The following UMODL1 variants were observed in gnomAD, a reference collection of about 807,000 sequenced individuals.
UMODL1 encodes the protein uromodulin like 1.
A neutral mutation model predicts 136.3 loss-of-function variants in UMODL1; 128 were observed. The observed-to-expected ratio is 0.94, with a 90% CI of 0.81 to 1.09. The LOEUF is 1.09. Ranked by LOEUF, UMODL1 falls within the 50% of genes least tolerant of loss-of-function variation. UMODL1 has a pLI of 0.00. For synonymous variants in UMODL1, 721 were observed against 720.0 expected (o/e 1.00, Z -0.02); for missense variants, 1,766 against 1,725.6 (o/e 1.02, Z -0.41).
chr21:42,127,388 C>A (rs556440439), intron 19 of UMODL1, 146 bp downstream of exon 19: 2 of 850,384 alleles, frequency 2.4e-6, no homozygotes, highest in East Asian at 4.8e-5. Context: ...GCAGGCACCC[C>A]TGTCCAGCAA....
intron 22 of UMODL1, among the ~76,000 whole-genome samples, chr21:42,141,322 C>T (rs1242383748): frequency 6.6e-6 from 1 of 152,182 alleles, no homozygotes; most frequent in Non-Finnish European, 1.5e-5. Context: ...CTTTGTCTTT[C>T]CCGTCTCTCC....
At chr21:42,112,972 G>A (rs2066855725) in intron 12 of UMODL1, 3 of 152,996 alleles carry the variant, frequency 2.0e-5, no homozygotes, top group Admixed American at 6.5e-5. Flanking sequence ...ATCTGTGCAG[G>A]AGTTGGATCT....
intron 15 of UMODL1, 107 bp from the exon 16 acceptor site, chr21:42,120,980 G>A (rs2066962327): frequency 1.4e-6 from 2 of 1,411,706 alleles, no homozygotes; most frequent in Non-Finnish European, 1.9e-6. Flanking sequence ...TGCTGTGGCT[G>A]GAGTTTCCAG....
rs755485498 is a variant in UMODL1 at position 42,084,211 on chromosome 21, A to AG, written c.453dup (p.Arg152AlafsTer91). 6.2e-6 allele frequency: 10 copies of AG among 1,613,560 alleles called. No homozygotes were observed. Among genetic ancestry groups the AG allele is most frequent in the Non-Finnish European group, 8.5e-6 (10 of 1,179,974 alleles). ...GACTTGAGAAGTGCTGCCCCTGGTC[A>AG]GGGGGGCGCTACTGCATGGCCCCTG... On this transcript the variant is annotated frameshift_variant, in exon 3 of 23. Transcript: ENST00000408910. LOFTEE classifies it high-confidence loss of function.
Position 42,099,151 on chromosome 21 carries a change from A to G in UMODL1, c.1157A>G (p.Asp386Gly). The change falls in exon 7 of 23, where the codon GAC becomes GGC. Residue 386 changes from aspartate (D) to glycine (G), a missense_variant. Transcript: ENST00000408910. This position sits in a 1 kb window ranked among gnomAD's most constrained non-coding sequence, Gnocchi z 4.1. ...VKTSYQGCGA[D>G]VSTTLTIKTN... is the part of the protein sequence containing the mutation. ...ACCAGCTACCAGGGGTGCGGGGCCG[A>G]CGTCTCCACCACGCTGACCATCAAA... 2 of 1,613,112 alleles carry G rather than the reference A, an allele frequency of 1.2e-6. No individual in the cohort carries two copies. Among genetic ancestry groups the G allele is most frequent in the Non-Finnish European group, 1.7e-6 (2 of 1,179,982 alleles).
At chr21:42,066,645 G>A (rs2066185274), upstream of UMODL1, among the ~76,000 whole-genome samples, 1 of 152,180 alleles carries the variant, frequency 6.6e-6, no homozygotes, top group African/African-American at 2.4e-5. Flanking sequence ...ATGAAGATAG[G>A]AGTTCATTCT....
In UMODL1 at chr21:42,122,831, G is replaced by C; in HGVS notation, c.2828G>C (p.Gly943Ala). Residue 943 changes from glycine (G) to alanine (A), a missense_variant and splice_region_variant, in exon 17 of 23, where the codon GGT (glycine) becomes GCT (alanine). Gly to Ala is a moderately conservative substitution (Grantham distance 60). Coordinates refer to ENST00000408910, the MANE Select transcript of UMODL1 (RefSeq NM_001004416.3). The surrounding 1 kb of genome is among the most constrained non-coding windows in gnomAD (Gnocchi z 4.3). ...GCCTTTTCCTCCTTGTGCCTTGCAG[G>C]TGACTCTCCTGGCAATGAAACCTGG... ...PVEYSERPCE[G>A]DSPGNETWAT... is the part of the protein sequence containing the mutation. The C allele has an allele frequency of 6.3e-7, 1 of 1,591,188 alleles. No homozygotes were observed. Among genetic ancestry groups the C allele is most frequent in the African/African-American group, 1.3e-5 (1 of 74,228 alleles).
chr21:42,085,224 A>G lies in UMODL1; in HGVS notation c.482-67A>G. ...GGTTCCCTCTCCTGCCCCCTCTCCC[A>G]CCCCAGCAGCTTTTGTGACTTCAAC... On this transcript the variant is annotated intron_variant, in intron 3 of 22. Coordinates refer to ENST00000408910, the MANE Select transcript of UMODL1 (RefSeq NM_001004416.3). The surrounding 1 kb of genome is among the most constrained non-coding windows in gnomAD (Gnocchi z 4.5). 1 of 1,571,782 alleles carries G rather than the reference A, an allele frequency of 6.4e-7. No individual in the cohort carries two copies. The highest frequency in any genetic ancestry group is 1.4e-5 in the African/African-American group (1 of 73,840).
chr21:42,123,791 GTGTA>G lies in UMODL1; in HGVS notation c.3147+648_3147+651del, dbSNP rs1340426305. Among the ~76,000 whole-genome samples the G allele has an allele frequency of 6.6e-6, 1 of 151,940 alleles. No individual in the cohort carries two copies. Among genetic ancestry groups the G allele is most frequent in the Non-Finnish European group, 1.5e-5 (1 of 68,028 alleles). ...TGGATGCGTTTGTCCATGTGTGAGTGTGTATGTATGGGTGTGTGTTTGGGGGGCA... is the reference window on the plus strand; with the variant it reads ...TGGATGCGTTTGTCCATGTGTGAGTGTGTATGGGTGTGTGTTTGGGGGGCA... On this transcript the variant is annotated intron_variant, in intron 17 of 22. Coordinates refer to ENST00000408910, the MANE Select transcript of UMODL1 (RefSeq NM_001004416.3). This position sits in a 1 kb window ranked among gnomAD's most constrained non-coding sequence, Gnocchi z 4.4.
chr21:42,093,221 G>GT (rs34842765), intron 6 of UMODL1, among the ~76,000 whole-genome samples: 68,645 of 151,754 alleles, frequency 0.45, 16,003 homozygotes, highest in East Asian at 0.53. Flanking sequence ...TTTATTGTTT[G>GT]TTTTTTATAG....
At chr21:42,138,045 C>T (rs1481439060) in intron 22 of UMODL1, among the ~76,000 whole-genome samples, 1 of 152,092 alleles carries the variant, frequency 6.6e-6, no homozygotes, top group African/African-American at 2.4e-5. Context: ...TCCACGATAC[C>T]AGCGGCAGTG....
chr21:42,063,414 T>C (rs1281095068), intron 1 of UMODL1, among the ~76,000 whole-genome samples: 2 of 152,136 alleles, frequency 1.3e-5, no homozygotes, highest in African/African-American at 4.8e-5. Context: ...CCCCCTGGTG[T>C]CCCCCAAACA....
intron 2 of UMODL1, among the ~76,000 whole-genome samples, chr21:42,082,076 C>T (rs1362750812): frequency 6.6e-6 from 1 of 152,206 alleles, no homozygotes; most frequent in African/African-American, 2.4e-5. Context: ...GAGAGTGCGG[C>T]TGAGAGGAAT....
intron 22 of UMODL1, among the ~76,000 whole-genome samples, chr21:42,138,631 A>G (rs2067240145): frequency 6.6e-6 from 1 of 151,216 alleles, no homozygotes; most frequent in Non-Finnish European, 1.5e-5. Flanking sequence ...GTTGGAGTGC[A>G]GTGGTGCGAT....
intron 15 of UMODL1, among the ~76,000 whole-genome samples, chr21:42,119,867 G>A (rs1362264733): frequency 2.0e-5 from 3 of 152,116 alleles, no homozygotes; most frequent in Non-Finnish European, 2.9e-5. Context: ...AAGAAAATAC[G>A]ATTTTTAGAG....
chr21:42,083,646 C>T (rs1342273706), intron 2 of UMODL1, among the ~76,000 whole-genome samples: 1 of 152,284 alleles, frequency 6.6e-6, no homozygotes, highest in Non-Finnish European at 1.5e-5. Flanking sequence ...CACTATTGTT[C>T]CCCCACTGGA....
At chr21:42,137,825 ATCTGATGTGCATGT>A (rs200140618) in intron 22 of UMODL1, among the ~76,000 whole-genome samples, 184 bp downstream of exon 22, 26,020 of 151,818 alleles carry the variant, frequency 0.17, 2,587 homozygotes, top group East Asian at 0.34. Context: ...GAGTGGGGGC[ATCTGATGTGCATGT>A]CCTGCCTTGC....
intron 6 of UMODL1, among the ~76,000 whole-genome samples, chr21:42,095,765 C>A (rs1249754257): frequency 6.6e-6 from 1 of 152,134 alleles, no homozygotes; most frequent in Non-Finnish European, 1.5e-5. Flanking sequence ...ACCTACTTGA[C>A]CTTTCTAGGC....
At chr21:42,103,591 T>C (rs970309320) in intron 8 of UMODL1, 16 of 572,998 alleles carry the variant, frequency 2.8e-5, no homozygotes, top group East Asian at 7.9e-5. Context: ...TCAGAGGGGA[T>C]TGTCCATCTG....
Sources: gnomAD v4.1 joint callset for allele counts (sites outside exome capture counted in the v4.1 genomes callset) on GRCh38, gnomAD v4.1.1 for gene constraint, Gnocchi (gnomAD v3.1) non-coding constraint, MANE v1.5 for transcripts, NCBI Gene and HGNC (gene_info 2026-07-23, HGNC 2026-07-21) for gene names.